The following UPK3B variants were observed in gnomAD, a reference collection of about 807,000 sequenced individuals.
The protein encoded by UPK3B is uroplakin-3b.
A neutral mutation model predicts 27.6 loss-of-function variants in UPK3B; 21 were observed. That is an observed-to-expected ratio of 0.76 (90% CI 0.54 to 1.10). The LOEUF (loss-of-function observed/expected upper bound fraction) is 1.10. UPK3B is among the 50% of genes least tolerant of loss of function. The pLI is 0.00. For synonymous variants in UPK3B, 141 were observed against 162.3 expected (o/e 0.87, Z 1.00); for missense variants, 306 against 376.1 (o/e 0.81, Z 1.54).
rs752934464 is a variant in UPK3B, at chr7:76,510,908, G to A, written c.91G>A (p.Val31Met). Reference sequence around the variant, plus strand: ...TTTGTCCCCCGTGGCCACAGAGCTGGTGCCCTACACACCACAGATAACAGC... The same window carrying A: ...TTTGTCCCCCGTGGCCACAGAGCTGATGCCCTACACACCACAGATAACAGC... ...CLRPSLSLEL[V>M]PYTPQITAWD... Residue 31 changes from valine (V) to methionine (M), a missense_variant, in exon 2 of 6, where the codon GTG becomes ATG. This residue lies in a region of UPK3B where 21 missense variants were observed against 58.4 expected (regional missense o/e 0.36). Coordinates refer to ENST00000334348, the MANE Select transcript of UPK3B (RefSeq NM_001347684.2). The A allele has an allele frequency of 4.4e-6, 7 of 1,592,640 alleles. No homozygotes were observed. The highest frequency in any genetic ancestry group is 6.0e-6 in the Non-Finnish European group (7 of 1,170,908).
In UPK3B at chr7:76,510,714, G is replaced by C. The variant is rs748035299; in HGVS notation, c.62G>C (p.Cys21Ser). The change falls in exon 1 of 6, where the codon TGT becomes TCT. Residue 21 changes from cysteine to serine, a missense_variant. By Grantham distance (112) the Cys-to-Ser change is moderately radical. This residue lies in a region of UPK3B where 33 missense variants were observed against 30.9 expected (regional missense o/e 1.07). Transcript: ENST00000334348. The stretch of plus-strand genomic sequence containing the variant: ...CAGATGCTCCTCCTGGCGTTGAACT[G>C]TCTCCGGCCCAGCCTGAGCCTGGGT... Reference protein sequence around the residue: ...GLQMLLLALNCLRPSLSLELV... With the variant: ...GLQMLLLALNSLRPSLSLELV... 1 of 1,517,118 alleles carries C rather than the reference G, an allele frequency of 6.6e-7. No homozygotes were observed. The highest frequency in any genetic ancestry group is 8.8e-7 in the Non-Finnish European group (1 of 1,131,080). 94.0% of individuals were successfully genotyped at this position (1,517,118 alleles called of 1,614,324 possible). A position where few individuals can be genotyped will look rare whatever the true frequency, so the allele number is the denominator to read the frequency against.
At chr7:76,514,579 A>G (rs773987991) in intron 5 of UPK3B, among the ~76,000 whole-genome samples, 71 of 152,164 alleles carry the variant, frequency 4.7e-4, no homozygotes, top group Non-Finnish European at 6.3e-4. Flanking sequence ...TGGTCCTCCA[A>G]TTGGTTCTAG....
intron 1 of UPK3B, 80 bp downstream of exon 1, chr7:76,510,817 G>A (rs765834048): frequency 1.9e-5 from 30 of 1,601,954 alleles, no homozygotes; most frequent in African/African-American, 5.4e-5. Flanking sequence ...GACCCTGGGC[G>A]CCCGCCCCCC....
At position 76,516,484 on chromosome 7, in the gene UPK3B, A is replaced by G. The variant is rs1361729580; in HGVS notation, c.*1280A>G. 2 of 611,704 alleles carry G rather than the reference A, an allele frequency of 3.3e-6. 1 individual carries two copies. The highest frequency in any genetic ancestry group is 3.8e-6 in the Non-Finnish European group (2 of 529,928). 37.9% of individuals were successfully genotyped at this position (611,704 alleles called of 1,614,324 possible). On this transcript the variant is annotated 3_prime_UTR_variant, in exon 6 of 6. Coordinates refer to ENST00000334348, the MANE Select transcript of UPK3B (RefSeq NM_001347684.2). ...AGCCCGGTGGTGACCCTTGGTCTGC[A>G]GCCCTCTTTGGAGGTGAATAAATGC...
chr7:76,513,285 G>A (rs1563768693), intron 4 of UPK3B, 122 bp downstream of exon 4: 7 of 946,940 alleles, frequency 7.4e-6, no homozygotes, highest in South Asian at 1.6e-5. Flanking sequence ...TGTCCAAGTC[G>A]GGCCCAGCCC....
At position 76,510,707 on chromosome 7, in the gene UPK3B, T is replaced by A. The variant is rs1284759786; in HGVS notation, c.55T>A (p.Leu19Met). ...HLGLQMLLLA[L>M]NCLRPSLSLE... ...AGGGCTGCAGATGCTCCTCCTGGCGTTGAACTGTCTCCGGCCCAGCCTGAG... is the reference window on the plus strand; with the variant it reads ...AGGGCTGCAGATGCTCCTCCTGGCGATGAACTGTCTCCGGCCCAGCCTGAG... Residue 19 changes from leucine to methionine, a missense_variant, in exon 1 of 6, where the codon TTG becomes ATG. Physicochemically the swap from Leu to Met is conservative, Grantham distance 15. This residue lies in a region of UPK3B where 33 missense variants were observed against 30.9 expected (regional missense o/e 1.07). Transcript: ENST00000334348. The A allele has an allele frequency of 6.6e-7, 1 of 1,507,078 alleles. No homozygotes were observed. The highest frequency in any genetic ancestry group is 8.9e-7 in the Non-Finnish European group (1 of 1,125,908). The allele number at this position is 1,507,078 out of a possible 1,614,324, so 93.4% of individuals were successfully genotyped here. A position where few individuals can be genotyped will look rare whatever the true frequency, so the allele number is the denominator to read the frequency against.
rs1812589462 is a variant in UPK3B, at chr7:76,513,048, G to A, written c.462-36G>A. The A allele has an allele frequency of 1.9e-6, 3 of 1,582,132 alleles. No individual in the cohort carries two copies. In the South Asian group the frequency reaches 3.4e-5, roughly 18 times the overall value. Reference sequence around the variant, plus strand: ...GCCCAGGGTGGTCCCAGCCTCTGAAGCTCTCCCCTCCTCCCCCACCACCTC... The same window carrying A: ...GCCCAGGGTGGTCCCAGCCTCTGAAACTCTCCCCTCCTCCCCCACCACCTC... On this transcript the variant is annotated intron_variant, in intron 3 of 5. Coordinates refer to ENST00000334348, the MANE Select transcript of UPK3B (RefSeq NM_001347684.2).
intron 4 of UPK3B, among the ~76,000 whole-genome samples, chr7:76,513,506 G>A (rs1315922092): frequency 4.6e-5 from 7 of 152,104 alleles, no homozygotes; most frequent in Non-Finnish European, 1.0e-4. Context: ...TGGGGAGGCA[G>A]CCAGCTTGAG....
At position 76,515,852 on chromosome 7, in the gene UPK3B, T is replaced by C; in HGVS notation, c.*648T>C. 1.6e-6 allele frequency: 1 copy of C among 611,454 alleles called. No homozygotes were observed. The highest frequency in any genetic ancestry group is 1.9e-6 in the Non-Finnish European group (1 of 529,972). The allele number at this position is 611,454 out of a possible 1,614,324, so 37.9% of individuals were successfully genotyped here. ...AAGCATTTATTAAGCATCTGCTGTA[T>C]GCTACATACAGTGTTAGACTTGGGG... On this transcript the variant is annotated 3_prime_UTR_variant, in exon 6 of 6. Coordinates refer to ENST00000334348, the MANE Select transcript of UPK3B (RefSeq NM_001347684.2).
In UPK3B at chr7:76,515,576, C is replaced by A; in HGVS notation, c.*372C>A. 1.5e-6 allele frequency: 1 copy of A among 684,988 alleles called. No homozygotes were observed. The highest frequency in any genetic ancestry group is 1.7e-6 in the Non-Finnish European group (1 of 576,260). 42.4% of individuals were successfully genotyped at this position (684,988 alleles called of 1,614,324 possible). ...CTTCCAGACCCTGGGAGGAGGCCTG[C>A]AGAGGACTGTGCTTTGCCTGATGCA... On this transcript the variant is annotated 3_prime_UTR_variant, in exon 6 of 6. Coordinates refer to ENST00000334348, the MANE Select transcript of UPK3B (RefSeq NM_001347684.2).
At chr7:76,513,320 GT>G (rs1812601936) in intron 4 of UPK3B, among the ~76,000 whole-genome samples, 157 bp downstream of exon 4, 1 of 152,208 alleles carries the variant, frequency 6.6e-6, no homozygotes, top group African/African-American at 2.4e-5. Context: ...TGCTGGGGGA[GT>G]GGGGCACCCA....
chr7:76,513,816 G>T, intron 4 of UPK3B, 131 bp from the exon 5 acceptor site: 1 of 1,385,058 alleles, frequency 7.2e-7, no homozygotes. Context: ...GGGATCAGGG[G>T]GGCGCCTGGG....
Position 76,516,110 on chromosome 7 carries a change from G to A in UPK3B, c.*906G>A, listed in dbSNP as rs529333135. ...GTTCCCGTCGTCGCCACTCGGGGTCGCCGGTGAGCCGCAGCCAGGCCGCCT... is the reference window on the plus strand; with the variant it reads ...GTTCCCGTCGTCGCCACTCGGGGTCACCGGTGAGCCGCAGCCAGGCCGCCT... On this transcript the variant is annotated 3_prime_UTR_variant, in exon 6 of 6. Transcript: ENST00000334348. 124 of 610,796 alleles carry A rather than the reference G, an allele frequency of 2.0e-4. 52 individuals are homozygous for A. In the African/African-American group the frequency reaches 5.0e-3, roughly 24 times the overall value. The allele number at this position is 610,796 out of a possible 1,614,324, so 37.8% of individuals were successfully genotyped here.
chr7:76,511,860 C>T lies in UPK3B; in HGVS notation c.439C>T (p.Leu147Phe), dbSNP rs1563768091. 1.4e-6 allele frequency: 2 copies of T among 1,441,788 alleles called. No homozygotes were observed. The highest frequency in any genetic ancestry group is 2.7e-5 in the Admixed American group (1 of 37,526). 89.3% of individuals were successfully genotyped at this position (1,441,788 alleles called of 1,614,324 possible). Residue 147 changes from leucine (L) to phenylalanine (F), a missense_variant, in exon 3 of 6, where the codon CTC (leucine) becomes TTC (phenylalanine). This residue lies in a region of UPK3B where 78 missense variants were observed against 120.2 expected (regional missense o/e 0.65). Coordinates refer to ENST00000334348, the MANE Select transcript of UPK3B (RefSeq NM_001347684.2). ...CCAGCAGCCCTTCTGCAACGCGCCC[C>T]TCCCTGGCCCTGGACCCTATCGGTG... ...CHQQPFCNAP[L>F]PGPGPYRVKF...
intron 2 of UPK3B, among the ~76,000 whole-genome samples, chr7:76,511,300 C>G (rs1391762873): frequency 6.6e-6 from 1 of 152,054 alleles, no homozygotes; most frequent in Admixed American, 6.6e-5. Context: ...GCTCTGCAAC[C>G]CTTTCTCTGA....
Position 76,513,098 on chromosome 7 carries a change from T to C in UPK3B, c.476T>C (p.Leu159Pro), listed in dbSNP as rs748630614. 6.2e-7 allele frequency: 1 copy of C among 1,613,554 alleles called. No homozygotes were observed. The highest frequency in any genetic ancestry group is 2.2e-5 in the East Asian group (1 of 44,876). Reference sequence around the variant, plus strand: ...CCCATCCCCAGGGTGAAGTTCCTCCTGATGGACACCAGGGGCTCACCCAGG... The same window carrying C: ...CCCATCCCCAGGGTGAAGTTCCTCCCGATGGACACCAGGGGCTCACCCAGG... ...GPGPYRVKFLLMDTRGSPRAE... is the reference protein window; with the variant it reads ...GPGPYRVKFLPMDTRGSPRAE... Residue 159 changes from leucine to proline, a missense_variant, in exon 4 of 6, where the codon CTG becomes CCG. Leu to Pro is a moderately conservative substitution (Grantham distance 98). Around this residue, in one of 4 missense-constraint regions of UPK3B, gnomAD observed 174 missense variants for 166.6 expected, o/e 1.04. Coordinates refer to ENST00000334348, the MANE Select transcript of UPK3B (RefSeq NM_001347684.2).
intron 3 of UPK3B, among the ~76,000 whole-genome samples, 169 bp downstream of exon 3, chr7:76,512,051 C>T (rs554176902): frequency 0.024 from 3,667 of 151,284 alleles, 18 homozygotes; most frequent in African/African-American, 0.083. Context: ...ACAGTGCTCA[C>T]CCCCGCTGGG....
chr7:76,513,525 A>G (rs1213065752), intron 4 of UPK3B, among the ~76,000 whole-genome samples: 7 of 152,052 alleles, frequency 4.6e-5, no homozygotes, highest in African/African-American at 1.7e-4. Flanking sequence ...AGTTCTGAGC[A>G]GACCCCAAGG....
Position 76,510,737 on chromosome 7 carries a change from G to T in UPK3B, c.85G>T (p.Glu29Ter). Residue 29 changes from glutamate to a stop codon, truncating the protein, a stop_gained and splice_region_variant, in exon 1 of 6, where the codon GAG (glutamate) becomes TAG (stop). Coordinates refer to ENST00000334348, the MANE Select transcript of UPK3B (RefSeq NM_001347684.2). LOFTEE classifies it high-confidence loss of function. ...CTGTCTCCGGCCCAGCCTGAGCCTG[G>T]GTGAGTGGGGGTCCTGGATGGACGC... ...LNCLRPSLSL[E>*]LVPYTPQITA... 1 of 1,527,062 alleles carries T rather than the reference G, an allele frequency of 6.5e-7. No individual in the cohort carries two copies. The highest frequency in any genetic ancestry group is 8.8e-7 in the Non-Finnish European group (1 of 1,135,630). The allele number at this position is 1,527,062 out of a possible 1,614,324, so 94.6% of individuals were successfully genotyped here. A position where few individuals can be genotyped will look rare whatever the true frequency, so the allele number is the denominator to read the frequency against.
Sources: allele counts gnomAD v4.1 joint callset (sites outside exome capture counted in the v4.1 genomes callset), GRCh38; gene constraint gnomAD v4.1.1; regional missense constraint gnomAD v4.1.1; transcripts MANE v1.5; gene names NCBI Gene and HGNC (gene_info 2026-07-23, HGNC 2026-07-21).